Variants in GNB1L observed in about 807,000 individuals in gnomAD.
GNB1L encodes the protein G protein subunit beta 1 like.
A neutral mutation model predicts 29.1 loss-of-function variants in GNB1L; 20 were observed. That is an observed-to-expected ratio of 0.69 (90% confidence interval 0.48 to 1.00). The LOEUF (loss-of-function observed/expected upper bound fraction) is 1.00, where lower values mean the gene tolerates loss of function less well. GNB1L is among the 50% of genes least tolerant of loss of function. The probability of loss-of-function intolerance (pLI) is 0.00; values close to 1 mark genes in which losing one functional copy is unlikely to be tolerated. For missense variants in GNB1L, 421 were observed against 464.9 expected (o/e 0.91, Z 0.87); for synonymous variants, 193 against 206.5 (o/e 0.93, Z 0.56).
At chr22:19,797,041 T>G (rs1388837586) in intron 7 of GNB1L, among the ~76,000 whole-genome samples, 2 of 152,122 alleles carry the variant, frequency 1.3e-5, no homozygotes, top group Non-Finnish European at 2.9e-5. Flanking sequence ...GACAAATTCC[T>G]AGAAAAATTC....
rs1937163526 is a variant in GNB1L at position 19,783,602 on chromosome 22, C to T, written c.*5107G>A. ...ACAAACAAACCAAAAAACAAAACAGCTTATGAGCACCTCCTACTAATTTCC... is the reference window on the plus strand; with the variant it reads ...ACAAACAAACCAAAAAACAAAACAGTTTATGAGCACCTCCTACTAATTTCC... On this transcript the variant is annotated 3_prime_UTR_variant, in exon 8 of 8. Transcript: ENST00000329517. 1 of 171,320 alleles carries T rather than the reference C, an allele frequency of 5.8e-6. No homozygotes were observed. Among genetic ancestry groups the T allele is most frequent in the East Asian group, 1.7e-4 (1 of 6,006 alleles). The allele number at this position is 171,320 out of a possible 1,614,324, so 10.6% of individuals were successfully genotyped here.
Position 19,824,094 on chromosome 22 carries a change from C to T in GNB1L, c.-20-2719G>A, listed in dbSNP as rs574158844. ...TCCCCAGAACTGCAGGGAACAAACCCGTCACGTTGTTACAACAACCAAAAT... is the reference window on the plus strand; with the variant it reads ...TCCCCAGAACTGCAGGGAACAAACCTGTCACGTTGTTACAACAACCAAAAT... On this transcript the variant is annotated intron_variant, in intron 2 of 7. Coordinates refer to ENST00000329517, the MANE Select transcript of GNB1L (RefSeq NM_053004.3). 3.9e-5 allele frequency among the ~76,000 whole-genome samples: 6 copies of T among 152,374 alleles called. No individual in the cohort carries two copies. In the South Asian group the frequency reaches 1.2e-3, roughly 32 times the overall value.
chr22:19,854,250 C>G (rs1293813033), intron 2 of GNB1L, among the ~76,000 whole-genome samples, 193 bp downstream of exon 2: 1 of 152,226 alleles, frequency 6.6e-6, no homozygotes, highest in African/African-American at 2.4e-5. Flanking sequence ...TGTTTGCCCC[C>G]ACAAGGCCAA....
intron 6 of GNB1L, among the ~76,000 whole-genome samples, chr22:19,805,768 C>T (rs544107839): frequency 6.6e-6 from 1 of 150,716 alleles, no homozygotes; most frequent in South Asian, 2.1e-4. Flanking sequence ...GGTGACAGAG[C>T]GAGACTCCAT....
intron 2 of GNB1L, among the ~76,000 whole-genome samples, chr22:19,843,464 C>G (rs1236797178): frequency 6.6e-6 from 1 of 152,238 alleles, no homozygotes; most frequent in Non-Finnish European, 1.5e-5. Context: ...CACCGCCCCC[C>G]GGGCAGCAAG....
At chr22:19,842,094 C>A (rs376971317) in intron 2 of GNB1L, among the ~76,000 whole-genome samples, 9 of 152,226 alleles carry the variant, frequency 5.9e-5, no homozygotes, top group African/African-American at 9.6e-5. Flanking sequence ...CCTGGACAGG[C>A]CTGTCCTGAG....
At chr22:19,803,951 C>A (rs1937403902) in intron 6 of GNB1L, among the ~76,000 whole-genome samples, 1 of 152,260 alleles carries the variant, frequency 6.6e-6, no homozygotes, top group South Asian at 2.1e-4. Context: ...AGTCTCAGAG[C>A]CTAGAGCCTG....
intron 5 of GNB1L, 101 bp from the exon 6 acceptor site, chr22:19,806,858 TTC>T: frequency 1.2e-6 from 1 of 864,738 alleles, no homozygotes; most frequent in Non-Finnish European, 1.9e-6. Context: ...TGCTGTGAGT[TTC>T]TGTCTGCTCC....
At chr22:19,807,269 G>T (rs980288459) in intron 5 of GNB1L, among the ~76,000 whole-genome samples, 1 of 152,204 alleles carries the variant, frequency 6.6e-6, no homozygotes, top group East Asian at 1.9e-4. Context: ...CTGAACACAG[G>T]CCAGGGCCCC....
intron 7 of GNB1L, among the ~76,000 whole-genome samples, chr22:19,799,829 CCT>C (rs1397188363): frequency 6.6e-6 from 1 of 152,194 alleles, no homozygotes; most frequent in African/African-American, 2.4e-5. Context: ...ACAGGCTTTC[CCT>C]GAGGCTGGGG....
chr22:19,848,106 T>A (rs554328494), intron 2 of GNB1L: 2 of 985,060 alleles, frequency 2.0e-6, no homozygotes, highest in South Asian at 4.7e-5. Flanking sequence ...TATTCCAATA[T>A]CCCATAGGAC....
chr22:19,852,760 C>T (rs1938139826), intron 2 of GNB1L, among the ~76,000 whole-genome samples: 2 of 152,156 alleles, frequency 1.3e-5, no homozygotes, highest in African/African-American at 4.8e-5. Flanking sequence ...ATAGTAGTAA[C>T]CTTTCACTGA....
intron 2 of GNB1L, among the ~76,000 whole-genome samples, chr22:19,834,179 A>C (rs1937726747): frequency 6.6e-6 from 1 of 152,206 alleles, no homozygotes; most frequent in South Asian, 2.1e-4. Context: ...CCATAGGATA[A>C]ATTCAAAGAA....
Position 19,812,413 on chromosome 22 carries a change from G to A in GNB1L, c.289C>T (p.Leu97Phe). 1.2e-6 allele frequency: 2 copies of A among 1,613,300 alleles called. No homozygotes were observed. The highest frequency in any genetic ancestry group is 2.2e-5 in the East Asian group (1 of 44,862). ...GRDLKLCLWD[L>F]AEGRSAVVDS... ...ACGACAGCGCTCCTGCCCTCCGCGA[G>A]GTCCCACAGGCACAGCTTCAGGTCC... The change falls in exon 5 of 8, where the codon CTC becomes TTC. Residue 97 changes from leucine to phenylalanine, a missense_variant. Leu to Phe is a conservative substitution (Grantham distance 22). Coordinates refer to ENST00000329517, the MANE Select transcript of GNB1L (RefSeq NM_053004.3).
chr22:19,847,671 A>G (rs550430162), intron 2 of GNB1L: 9 of 984,500 alleles, frequency 9.1e-6, no homozygotes, highest in African/African-American at 3.5e-5. Context: ...TAGTCACAGC[A>G]TGCATGTGCC....
At chr22:19,789,099 G>T in intron 7 of GNB1L, 139 bp from the exon 8 acceptor site, 1 of 903,626 alleles carries the variant, frequency 1.1e-6, no homozygotes. Context: ...CTCCTACCCA[G>T]CTGACCTCCC....
chr22:19,838,976 T>A (rs1937811962), intron 2 of GNB1L, among the ~76,000 whole-genome samples: 1 of 152,222 alleles, frequency 6.6e-6, no homozygotes, highest in South Asian at 2.1e-4. Context: ...TGGAATACTA[T>A]TCTGCAACAG....
At chr22:19,789,447 C>G (rs1937227273) in intron 7 of GNB1L, among the ~76,000 whole-genome samples, 1 of 152,096 alleles carries the variant, frequency 6.6e-6, no homozygotes. Context: ...ATGTGAACCC[C>G]CAAGCTCGAC....
chr22:19,821,191 C>A, intron 3 of GNB1L, 37 bp downstream of exon 3: 9 of 1,589,862 alleles, frequency 5.7e-6, no homozygotes, highest in African/African-American at 5.4e-5. Context: ...CCTGACTTGG[C>A]CCTGGGTGGC....
Sources: allele counts gnomAD v4.1 joint callset (sites outside exome capture counted in the v4.1 genomes callset), GRCh38; gene constraint gnomAD v4.1.1; transcripts MANE v1.5; gene names NCBI Gene and HGNC (gene_info 2026-07-23, HGNC 2026-07-21).